ULK4: variants seen among roughly 807,000 people sequenced by gnomAD.
ULK4 encodes the protein inactive serine/threonine-protein kinase ULK4.
In ULK4, 133 loss-of-function variants were observed where a neutral mutation model predicts 160.6. That is an observed-to-expected ratio of 0.83 (90% CI 0.72 to 0.96). The LOEUF is 0.96. Ranked by LOEUF, ULK4 falls within the 40% of genes least tolerant of loss-of-function variation. The probability of loss-of-function intolerance (pLI) is 0.00; values close to 1 mark genes in which losing one functional copy is unlikely to be tolerated. For synonymous variants in ULK4, 534 were observed against 539.8 expected, an observed-to-expected ratio of 0.99 and a Z score of 0.15; for missense variants, 1,580 against 1,499.5, an observed-to-expected ratio of 1.05 and a Z score of -0.89.
At chr3:41,801,917 A>G (rs2040472459) in intron 19 of ULK4, among the ~76,000 whole-genome samples, 1 of 152,060 alleles carries the variant, frequency 6.6e-6, no homozygotes, top group Non-Finnish European at 1.5e-5. Context: ...AAAAAGGCAT[A>G]TTCCACAGAG....
intron 22 of ULK4, among the ~76,000 whole-genome samples, chr3:41,733,725 ATTTTTTTTT>A (rs778572755): frequency 2.1e-5 from 2 of 93,598 alleles, no homozygotes; most frequent in Admixed American, 2.1e-4. Context: ...TAAACACATG[ATTTTTTTTT>A]TTTTTTTTTT....
chr3:41,332,242 T>C (rs1198278999), intron 35 of ULK4, among the ~76,000 whole-genome samples: 2 of 151,730 alleles, frequency 1.3e-5, no homozygotes, highest in Non-Finnish European at 2.9e-5. Context: ...AAGAAACCTA[T>C]GTTTCCATTT....
intron 17 of ULK4, among the ~76,000 whole-genome samples, chr3:41,856,588 C>T (rs185629296): frequency 0.089 from 6,371 of 71,648 alleles, 683 homozygotes; most frequent in African/African-American, 0.29. Flanking sequence ...TATATATATA[C>T]ACATATATAT....
At chr3:41,496,484 G>C (rs2084994919) in intron 32 of ULK4, among the ~76,000 whole-genome samples, 1 of 152,024 alleles carries the variant, frequency 6.6e-6, no homozygotes, top group East Asian at 1.9e-4. Flanking sequence ...TAAGGTACAT[G>C]GTGACAGGGT....
chr3:41,420,041 CG>C, intron 34 of ULK4, among the ~76,000 whole-genome samples: 1 of 151,828 alleles, frequency 6.6e-6, no homozygotes, highest in African/African-American at 2.4e-5. Context: ...TCTTCATTAA[CG>C]TAAGTTTATT....
intron 2 of ULK4, among the ~76,000 whole-genome samples, chr3:41,945,484 T>C (rs1180882631): frequency 6.6e-6 from 1 of 152,196 alleles, no homozygotes; most frequent in African/African-American, 2.4e-5. Context: ...CTCCCCTCTC[T>C]CACTGGATGC....
rs34200441 is a variant in ULK4 at position 41,537,923 on chromosome 3, AT to A, written c.3226+28101del. 2.8e-3 allele frequency among the ~76,000 whole-genome samples: 410 copies of A among 145,554 alleles called. 2 individuals carry two copies. The highest frequency in any genetic ancestry group is 0.012 in the East Asian group (58 of 4,932). ...ACTAATAAGGAATGTCCTTTGTGGCATTTTTTTTTTTTTCCAAAATAGGGCA... is the reference window on the plus strand; with the variant it reads ...ACTAATAAGGAATGTCCTTTGTGGCATTTTTTTTTTTTCCAAAATAGGGCA... On this transcript the variant is annotated intron_variant, in intron 32 of 36. Coordinates refer to ENST00000301831, the MANE Select transcript of ULK4 (RefSeq NM_017886.4).
intron 35 of ULK4, among the ~76,000 whole-genome samples, chr3:41,341,077 T>A (rs1455833021): frequency 6.6e-6 from 1 of 152,188 alleles, no homozygotes; most frequent in Non-Finnish European, 1.5e-5. Flanking sequence ...CTGTGTGCCA[T>A]CTCACGGCTG....
At chr3:41,487,660 C>T (rs2084589046) in intron 32 of ULK4, among the ~76,000 whole-genome samples, 1 of 152,088 alleles carries the variant, frequency 6.6e-6, no homozygotes, top group South Asian at 2.1e-4. Context: ...TAAATCTCTA[C>T]ACTTCATATC....
Position 41,405,932 on chromosome 3 carries a change from T to C in ULK4, c.3493-7668A>G, listed in dbSNP as rs189198927. On this transcript the variant is annotated intron_variant, in intron 34 of 36. Coordinates refer to ENST00000301831, the MANE Select transcript of ULK4 (RefSeq NM_017886.4). Reference sequence around the variant, plus strand: ...CAAATATTTTCTCCCATTCTCTAGGTTGTCCGTTTCTTTTGCTGTACTGAA... The same window carrying C: ...CAAATATTTTCTCCCATTCTCTAGGCTGTCCGTTTCTTTTGCTGTACTGAA... 3.5e-4 allele frequency among the ~76,000 whole-genome samples: 54 copies of C among 152,230 alleles called. 3 individuals carry two copies. Among genetic ancestry groups the C allele is most frequent in the Admixed American group, 3.3e-3 (51 of 15,284 alleles).
intron 32 of ULK4, among the ~76,000 whole-genome samples, chr3:41,547,598 G>A (rs1054287497): frequency 3.3e-5 from 5 of 152,218 alleles, no homozygotes; most frequent in African/African-American, 4.8e-5. Flanking sequence ...CAATGGCACC[G>A]CTCCAGACAG....
At chr3:41,940,184 C>T (rs183370300) in intron 2 of ULK4, among the ~76,000 whole-genome samples, 45 of 152,116 alleles carry the variant, frequency 3.0e-4, no homozygotes, top group Admixed American at 2.0e-4. Flanking sequence ...CATCCAGACA[C>T]GAAGCGCCAG....
intron 17 of ULK4, among the ~76,000 whole-genome samples, chr3:41,856,031 T>C (rs1485079256): frequency 6.6e-6 from 1 of 152,150 alleles, no homozygotes; most frequent in East Asian, 1.9e-4. Flanking sequence ...TTTAAGAAAT[T>C]AGAAAGCATG....
intron 27 of ULK4, among the ~76,000 whole-genome samples, chr3:41,690,275 A>T (rs1251526050): frequency 5.3e-5 from 8 of 150,248 alleles, no homozygotes; most frequent in African/African-American, 1.7e-4. Context: ...GGAACATCAC[A>T]CTCCGGGGAC....
chr3:41,400,636 T>C (rs60935811), intron 34 of ULK4, among the ~76,000 whole-genome samples: 5,973 of 152,290 alleles, frequency 0.039, 461 homozygotes, highest in East Asian at 0.37. Context: ...CTGTGAACAT[T>C]TACACAAGTT....
At chr3:41,813,539 T>G (rs1467408244) in intron 19 of ULK4, among the ~76,000 whole-genome samples, 1 of 152,214 alleles carries the variant, frequency 6.6e-6, no homozygotes, top group African/African-American at 2.4e-5. Context: ...GGGCTTGAAT[T>G]TTTTAAAAGT....
intron 11 of ULK4, among the ~76,000 whole-genome samples, chr3:41,908,146 T>C (rs1254750869): frequency 6.6e-6 from 1 of 152,214 alleles, no homozygotes; most frequent in Non-Finnish European, 1.5e-5. Flanking sequence ...ATTTCTTTTA[T>C]TTATACAGTA....
intron 32 of ULK4, among the ~76,000 whole-genome samples, chr3:41,511,637 T>C (rs2085581175): frequency 6.6e-6 from 1 of 151,496 alleles, no homozygotes; most frequent in African/African-American, 2.4e-5. Context: ...GAGATTGAAA[T>C]GGTAATTTAA....
intron 31 of ULK4, among the ~76,000 whole-genome samples, chr3:41,588,736 AAC>A (rs2031024144): frequency 6.6e-6 from 1 of 152,248 alleles, no homozygotes; most frequent in African/African-American, 2.4e-5. Context: ...GAACTTTAAA[AAC>A]ACAAAAACTT....
Sources: gnomAD v4.1 joint callset for allele counts (sites outside exome capture counted in the v4.1 genomes callset) on GRCh38, gnomAD v4.1.1 for gene constraint, MANE v1.5 for transcripts, NCBI Gene and HGNC (gene_info 2026-07-23, HGNC 2026-07-21) for gene names.